PCCA: variants seen among roughly 807,000 people sequenced by gnomAD.
PCCA encodes the protein propionyl-CoA carboxylase alpha chain, mitochondrial.
PCCA carries 74 observed loss-of-function variants against 101.3 expected under a neutral mutation model. The observed-to-expected ratio is 0.73, with a 90% CI of 0.61 to 0.89. The LOEUF (loss-of-function observed/expected upper bound fraction) is 0.89, where lower values mean the gene tolerates loss of function less well. Ranked by LOEUF, PCCA falls within the 40% of genes least tolerant of loss-of-function variation. PCCA has a pLI of 0.00. For synonymous variants in PCCA, 294 were observed against 313.6 expected (o/e 0.94, Z 0.66); for missense variants, 891 against 907.0 (o/e 0.98, Z 0.23).
intron 21 of PCCA, among the ~76,000 whole-genome samples, chr13:100,477,107 A>G (rs1383912658): frequency 1.3e-5 from 2 of 152,222 alleles, no homozygotes; most frequent in Non-Finnish European, 2.9e-5. Context: ...AGTCAAGTGC[A>G]TACTAATTTA....
intron 18 of PCCA, among the ~76,000 whole-genome samples, chr13:100,352,586 G>A (rs894836228): frequency 6.6e-6 from 1 of 151,654 alleles, no homozygotes; most frequent in African/African-American, 2.4e-5. Flanking sequence ...TAGAGATGAG[G>A]TCTTGCTATG....
At position 100,309,906 on chromosome 13, in the gene PCCA, G is replaced by A. The variant is rs761678220; in HGVS notation, c.1427G>A (p.Arg476Gln). 23 of 1,605,902 alleles carry A rather than the reference G, an allele frequency of 1.4e-5. No individual in the cohort carries two copies. Among genetic ancestry groups the A allele is most frequent in the Non-Finnish European group, 1.9e-5 (22 of 1,172,758 alleles). Residue 476 changes from arginine to glutamine, a missense_variant and splice_region_variant, in exon 16 of 24, where the codon CGA becomes CAA. Coordinates refer to ENST00000376285, the MANE Select transcript of PCCA (RefSeq NM_000282.4). ...MADALDNYVI[R>Q]GVTHNIALLR... ...GATGCACTGGATAACTATGTTATTC[G>A]AGGTAAAAACAAAGATTTGCACTCG...
chr13:100,516,812 G>A (rs1656280637), intron 22 of PCCA, among the ~76,000 whole-genome samples: 1 of 150,000 alleles, frequency 6.7e-6, no homozygotes, highest in East Asian at 2.0e-4. Context: ...AGTTAGGGTC[G>A]TAAGAGGATA....
chr13:100,154,717 T>C (rs1432706647), intron 4 of PCCA: 7 of 429,176 alleles, frequency 1.6e-5, no homozygotes, highest in East Asian at 5.0e-5. Flanking sequence ...AATTGTTTGC[T>C]GTGATTTTAC....
At chr13:100,097,159 A>G (rs534283752) in intron 1 of PCCA, among the ~76,000 whole-genome samples, 1 of 152,172 alleles carries the variant, frequency 6.6e-6, no homozygotes, top group Non-Finnish European at 1.5e-5. Context: ...CAAGGTCGCT[A>G]TTGTGTGATT....
chr13:100,446,324 C>T (rs2080830774), intron 20 of PCCA, among the ~76,000 whole-genome samples: 2 of 152,162 alleles, frequency 1.3e-5, no homozygotes, highest in Non-Finnish European at 2.9e-5. Flanking sequence ...GCCACCGCAC[C>T]CTGCCCCTGT....
At chr13:100,480,095 G>C (rs1035831793) in intron 21 of PCCA, among the ~76,000 whole-genome samples, 2 of 152,200 alleles carry the variant, frequency 1.3e-5, no homozygotes, top group Non-Finnish European at 2.9e-5. Flanking sequence ...GCTTTCTTCT[G>C]AATAGGAGGG....
intron 21 of PCCA, among the ~76,000 whole-genome samples, chr13:100,449,929 A>G (rs2081098251): frequency 6.6e-6 from 1 of 152,148 alleles, no homozygotes; most frequent in Non-Finnish European, 1.5e-5. Flanking sequence ...ACCACCCATC[A>G]TATATTAGAA....
At chr13:100,512,827 C>G (rs1193849401) in intron 21 of PCCA, among the ~76,000 whole-genome samples, 2 of 152,228 alleles carry the variant, frequency 1.3e-5, no homozygotes, top group African/African-American at 4.8e-5. Context: ...TTTCGCACAA[C>G]CCTTGAGGAA....
chr13:100,164,235 T>C (rs1002332629), intron 6 of PCCA, among the ~76,000 whole-genome samples: 16 of 152,234 alleles, frequency 1.1e-4, no homozygotes, highest in African/African-American at 3.9e-4. Context: ...CATGGGGTCT[T>C]CAGTATATCC....
chr13:100,341,977 A>ATATATATG, intron 18 of PCCA, among the ~76,000 whole-genome samples: 1 of 113,910 alleles, frequency 8.8e-6, no homozygotes, highest in South Asian at 2.4e-4. Flanking sequence ...ATATATATAT[A>ATATATATG]TATATGTATT....
At chr13:100,513,648 T>C (rs1428083232) in intron 21 of PCCA, among the ~76,000 whole-genome samples, 1 of 152,232 alleles carries the variant, frequency 6.6e-6, no homozygotes, top group Non-Finnish European at 1.5e-5. Context: ...GTATATCCAC[T>C]GTGGGGAAAT....
chr13:100,201,771 C>T (rs1038980947), intron 6 of PCCA, among the ~76,000 whole-genome samples: 2 of 140,896 alleles, frequency 1.4e-5, no homozygotes, highest in Non-Finnish European at 3.0e-5. Flanking sequence ...GCAGGAGAAT[C>T]GCTTGAACCC....
At chr13:100,164,485 C>G (rs938062727) in intron 6 of PCCA, among the ~76,000 whole-genome samples, 1 of 152,168 alleles carries the variant, frequency 6.6e-6, no homozygotes, top group African/African-American at 2.4e-5. Flanking sequence ...CTGGATAGTT[C>G]AGTTCTTGGA....
Position 100,386,222 on chromosome 13 carries a change from T to C in PCCA, c.1746+17648T>C, listed in dbSNP as rs372697084. On this transcript the variant is annotated intron_variant, in intron 19 of 23. Coordinates refer to ENST00000376285, the MANE Select transcript of PCCA (RefSeq NM_000282.4). ...AGAATACTATGTTTCTCCCTGCTATTGGTTTAAGGAAGAATGTCTAAAAGT... is the reference window on the plus strand; with the variant it reads ...AGAATACTATGTTTCTCCCTGCTATCGGTTTAAGGAAGAATGTCTAAAAGT... Among the ~76,000 whole-genome samples, 8 of 152,338 alleles carry C rather than the reference T, an allele frequency of 5.3e-5. No homozygotes were observed. In the East Asian group the frequency reaches 1.2e-3, roughly 22 times the overall value.
intron 16 of PCCA, among the ~76,000 whole-genome samples, chr13:100,312,592 A>G (rs145447697): frequency 3.0e-4 from 46 of 152,354 alleles, no homozygotes; most frequent in Non-Finnish European, 5.1e-4. Flanking sequence ...AATCTTTCCT[A>G]TAGAGTTAAA....
intron 6 of PCCA, among the ~76,000 whole-genome samples, chr13:100,206,521 A>C (rs1040397948): frequency 6.6e-6 from 1 of 152,136 alleles, no homozygotes; most frequent in Non-Finnish European, 1.5e-5. Flanking sequence ...TGGCCTCCCA[A>C]AGTGCTGGGA....
At chr13:100,370,503 G>A (rs898917834) in intron 19 of PCCA, among the ~76,000 whole-genome samples, 1 of 152,034 alleles carries the variant, frequency 6.6e-6, no homozygotes, top group African/African-American at 2.4e-5. Context: ...GAGGAAAACA[G>A]GGCTGTTTTT....
intron 18 of PCCA, among the ~76,000 whole-genome samples, chr13:100,343,236 G>A (rs1215273595): frequency 6.6e-6 from 1 of 152,042 alleles, no homozygotes; most frequent in East Asian, 1.9e-4. Flanking sequence ...AATAAAAAAC[G>A]GGCAGTAGGT....
Sources: gnomAD v4.1 joint callset for allele counts (sites outside exome capture counted in the v4.1 genomes callset) on GRCh38, gnomAD v4.1.1 for gene constraint, MANE v1.5 for transcripts, NCBI Gene and HGNC (gene_info 2026-07-23, HGNC 2026-07-21) for gene names.